SCAPER: variants seen among roughly 807,000 people sequenced by gnomAD.
SCAPER encodes the protein S phase cyclin A-associated protein in the endoplasmic reticulum.
A neutral mutation model predicts 182.2 loss-of-function variants in SCAPER; 98 were observed. The observed-to-expected ratio is 0.54, with a 90% CI of 0.46 to 0.64. The LOEUF (loss-of-function observed/expected upper bound fraction) is 0.64, where lower values mean the gene tolerates loss of function less well. Ranked by LOEUF, SCAPER falls within the 30% of genes least tolerant of loss-of-function variation. The pLI, the probability that SCAPER is intolerant of heterozygous loss-of-function variation, is 0.00. For synonymous variants in SCAPER, 605 were observed against 564.6 expected (o/e 1.07, Z -1.01); for missense variants, 1,432 against 1,690.0 (o/e 0.85, Z 2.68).
chr15:76,786,783 T>C (rs2064641588), intron 8 of SCAPER, among the ~76,000 whole-genome samples: 1 of 152,140 alleles, frequency 6.6e-6, no homozygotes, highest in African/African-American at 2.4e-5. Context: ...ACTCCAAGAA[T>C]TATATGGGTT....
chr15:76,562,045 G>A (rs1302590837), intron 23 of SCAPER, among the ~76,000 whole-genome samples: 1 of 150,696 alleles, frequency 6.6e-6, no homozygotes, highest in Non-Finnish European at 1.5e-5. Context: ...ATACTCTGGA[G>A]GCTGAGGCGG....
intron 17 of SCAPER, among the ~76,000 whole-genome samples, chr15:76,706,329 A>G (rs996168152): frequency 6.6e-6 from 1 of 152,162 alleles, no homozygotes; most frequent in African/African-American, 2.4e-5. Context: ...CATAAACTCA[A>G]AAAGACAAAG....
At chr15:76,824,760 T>C (rs1226279702) in intron 5 of SCAPER, among the ~76,000 whole-genome samples, 1 of 152,168 alleles carries the variant, frequency 6.6e-6, no homozygotes, top group Admixed American at 6.5e-5. Context: ...TAATATAATC[T>C]ATTTGCAAAA....
At chr15:76,667,139 GCCCTTACCA>G (rs1450891795) in intron 20 of SCAPER, among the ~76,000 whole-genome samples, 1 of 152,044 alleles carries the variant, frequency 6.6e-6, no homozygotes, top group Non-Finnish European at 1.5e-5. Context: ...TCCAGCTTTT[GCCCTTACCA>G]CCCTTACCAA....
chr15:76,822,002 G>A (rs1043132410), intron 5 of SCAPER, among the ~76,000 whole-genome samples: 6 of 152,168 alleles, frequency 3.9e-5, no homozygotes. Context: ...TAGGGGTGGG[G>A]GACTGGGGAA....
chr15:76,735,913 C>T (rs1288753915), intron 15 of SCAPER, among the ~76,000 whole-genome samples: 2 of 152,142 alleles, frequency 1.3e-5, no homozygotes, highest in African/African-American at 2.4e-5. Flanking sequence ...AAATCACAGA[C>T]AGTACCTATA....
chr15:76,886,531 G>C (rs1031555243), intron 1 of SCAPER, among the ~76,000 whole-genome samples: 2 of 152,116 alleles, frequency 1.3e-5, no homozygotes, highest in African/African-American at 4.8e-5. Flanking sequence ...AGGTTCTGGA[G>C]AAAAAGGAAC....
intron 15 of SCAPER, among the ~76,000 whole-genome samples, chr15:76,752,037 TAA>T (rs796803751): frequency 7.4e-6 from 1 of 134,774 alleles, no homozygotes; most frequent in African/African-American, 2.7e-5. Flanking sequence ...AACTCCACAA[TAA>T]AAAAAAAAAA....
intron 23 of SCAPER, among the ~76,000 whole-genome samples, chr15:76,571,213 G>T (rs964768275): frequency 6.6e-6 from 1 of 152,112 alleles, no homozygotes; most frequent in South Asian, 2.1e-4. Flanking sequence ...TCTGTGGACT[G>T]GGAATTCCTT....
At chr15:76,830,479 G>T (rs2068370124) in intron 5 of SCAPER, among the ~76,000 whole-genome samples, 1 of 152,138 alleles carries the variant, frequency 6.6e-6, no homozygotes, top group East Asian at 1.9e-4. Flanking sequence ...CTTGGACTAG[G>T]ATGGTAGCAG....
At chr15:76,591,289 C>G (rs1032340116) in intron 22 of SCAPER, among the ~76,000 whole-genome samples, 1 of 147,816 alleles carries the variant, frequency 6.8e-6, no homozygotes, top group Non-Finnish European at 1.5e-5. Flanking sequence ...CTTCCGAGTG[C>G]AGGCTGCACG....
At chr15:76,719,331 A>T (rs2060067484) in intron 17 of SCAPER, among the ~76,000 whole-genome samples, 1 of 152,200 alleles carries the variant, frequency 6.6e-6, no homozygotes, top group Non-Finnish European at 1.5e-5. Flanking sequence ...TGAAATCTTA[A>T]AAAAAATTCA....
intron 22 of SCAPER, among the ~76,000 whole-genome samples, chr15:76,617,657 A>G (rs1016444960): frequency 1.3e-5 from 2 of 152,200 alleles, no homozygotes; most frequent in African/African-American, 2.4e-5. Flanking sequence ...GCTTCCTTAC[A>G]TGGCAGTTAC....
intron 1 of SCAPER, among the ~76,000 whole-genome samples, chr15:76,887,933 G>A (rs1451808378): frequency 6.6e-6 from 1 of 152,162 alleles, no homozygotes; most frequent in African/African-American, 2.4e-5. Context: ...ACAGGCAAGG[G>A]TCCCTCTGGA....
intron 27 of SCAPER, among the ~76,000 whole-genome samples, chr15:76,382,783 CT>C (rs965990747): frequency 1.4e-4 from 21 of 152,112 alleles, no homozygotes; most frequent in African/African-American, 5.1e-4. Context: ...GAGGGAGATA[CT>C]TTTGCTGAGA....
chr15:76,592,221 T>A (rs1171031090), intron 22 of SCAPER, among the ~76,000 whole-genome samples: 22 of 151,862 alleles, frequency 1.4e-4, no homozygotes, highest in Middle Eastern at 3.4e-3. Flanking sequence ...ATTAAAATAT[T>A]TTTAAAATGG....
intron 26 of SCAPER, among the ~76,000 whole-genome samples, chr15:76,410,856 A>G (rs1031091355): frequency 1.2e-4 from 16 of 138,158 alleles, no homozygotes; most frequent in African/African-American, 4.0e-4. Context: ...TTTTAATTCT[A>G]TTGTCTATCC....
At chr15:76,424,927 A>G (rs1179203867) in intron 26 of SCAPER, among the ~76,000 whole-genome samples, 1 of 152,144 alleles carries the variant, frequency 6.6e-6, no homozygotes, top group Non-Finnish European at 1.5e-5. Context: ...CTTTTCTTTA[A>G]GAATGTTGAA....
chr15:76,652,518 T>TACACACACACACACACAC (rs71143350), intron 21 of SCAPER, among the ~76,000 whole-genome samples: 1 of 88,922 alleles, frequency 1.1e-5, no homozygotes, highest in African/African-American at 4.5e-5. Context: ...TTTACATACA[T>TACACACACACACACACAC]ACACACACAC....
Sources: allele counts gnomAD v4.1 joint callset (sites outside exome capture counted in the v4.1 genomes callset), GRCh38; gene constraint gnomAD v4.1.1; transcripts MANE v1.5; gene names NCBI Gene and HGNC (gene_info 2026-07-23, HGNC 2026-07-21).